The following ASPDH variants were observed in gnomAD, a reference collection of about 807,000 sequenced individuals.
ASPDH encodes aspartate dehydrogenase domain containing.
Under a neutral mutation model 30.5 loss-of-function variants are expected in ASPDH, and 25 were observed. The ratio of observed to expected loss-of-function variants is 0.82; its 90% CI spans 0.60 to 1.14. The LOEUF (loss-of-function observed/expected upper bound fraction) is 1.14. ASPDH is among the 50% of genes most tolerant of loss of function. The pLI is 0.00. For synonymous variants in ASPDH, 168 were observed against 156.3 expected, an observed-to-expected ratio of 1.07 and a Z score of -0.56; for missense variants, 401 against 381.5, an observed-to-expected ratio of 1.05 and a Z score of -0.43.
At position 50,512,731 on chromosome 19, in the gene ASPDH, A is replaced by ACGG; in HGVS notation, c.359_361dup (p.Ala120dup). On this transcript the variant is annotated inframe_insertion, in exon 4 of 7. Transcript: ENST00000389208. The stretch of plus-strand genomic sequence containing the variant: ...CCACAGGGCCCCTCGGGCCACAAAC[A>ACGG]CGGCGTGGTCCCAGTGCTGTGAGGC... 6.4e-7 allele frequency: 1 copy of ACGG among 1,553,752 alleles called. No individual in the cohort carries two copies. Among genetic ancestry groups the ACGG allele is most frequent in the Non-Finnish European group, 8.7e-7 (1 of 1,148,442 alleles).
In ASPDH at chr19:50,512,342, C is replaced by G; in HGVS notation, c.653+18G>C. 6.2e-7 allele frequency: 1 copy of G among 1,613,902 alleles called. No homozygotes were observed. Among genetic ancestry groups the G allele is most frequent in the South Asian group, 1.1e-5 (1 of 91,080 alleles). On this transcript the variant is annotated intron_variant, in intron 5 of 6. Coordinates refer to ENST00000389208, the MANE Select transcript of ASPDH (RefSeq NM_001114598.2). ...GAGAGCCTGGACTCAGCCCAACACC[C>G]TGCTTAGCTCTGCTCACCTGGTATC...
chr19:50,514,868 C>G, upstream of ASPDH: 2 of 984,930 alleles, frequency 2.0e-6, no homozygotes, highest in Non-Finnish European at 2.4e-6. Flanking sequence ...GAGACAGACG[C>G]GGGCAGACAG....
At chr19:50,511,909 TG>T in intron 6 of ASPDH, 136 bp from the exon 7 acceptor site, 1 of 685,724 alleles carries the variant, frequency 1.5e-6, no homozygotes, top group Non-Finnish European at 2.2e-6. Flanking sequence ...GACAGAGCCC[TG>T]GGGGTGGACA....
At chr19:50,511,857 G>T in intron 6 of ASPDH, 84 bp from the exon 7 acceptor site, 2 of 744,442 alleles carry the variant, frequency 2.7e-6, no homozygotes, top group Non-Finnish European at 4.0e-6. Context: ...GGGAGGAGGG[G>T]ACAGGGCAGG....
Position 50,513,873 on chromosome 19 carries a change from C to T in ASPDH, c.-50G>A, listed in dbSNP as rs543057368. 46 of 1,538,024 alleles carry T rather than the reference C, an allele frequency of 3.0e-5. No individual in the cohort carries two copies. In the East Asian group the frequency reaches 3.2e-4, roughly 11 times the overall value. On this transcript the variant is annotated 5_prime_UTR_variant, in exon 1 of 7. Transcript: ENST00000389208. This position sits in a 1 kb window ranked among gnomAD's most constrained non-coding sequence, Gnocchi z 4.9. ...CTGGCTCCCTGGGCTGCTCGCTGCC[C>T]GCTGCACAAGGCCTGGGCAGCCGCT...
chr19:50,512,919 G>A lies in ASPDH; in HGVS notation c.282+8C>T. Reference sequence around the variant, plus strand: ...GGGCTCTGCGTAAATGGTTGGGGTGGGGCTTACCAGGAGATTGGCATGGCG... The same window carrying A: ...GGGCTCTGCGTAAATGGTTGGGGTGAGGCTTACCAGGAGATTGGCATGGCG... On this transcript the variant is annotated splice_region_variant and intron_variant, in intron 3 of 6. Transcript: ENST00000389208. 8 of 1,612,080 alleles carry A rather than the reference G, an allele frequency of 5.0e-6. No homozygotes were observed. The highest frequency in any genetic ancestry group is 5.9e-6 in the Non-Finnish European group (7 of 1,178,930).
upstream of ASPDH, chr19:50,514,744 C>A: frequency 8.1e-7 from 1 of 1,230,842 alleles, no homozygotes; most frequent in South Asian, 1.6e-5. Flanking sequence ...GTTTCCATGG[C>A]AACCAGGATT....
upstream of ASPDH, chr19:50,514,898 C>T (rs899840731): frequency 1.8e-5 from 18 of 985,292 alleles, no homozygotes; most frequent in Admixed American, 1.2e-4. Context: ...AAGACCCCGA[C>T]GTGGCACCCA....
chr19:50,514,214 G>A (rs1204018136), upstream of ASPDH, among the ~76,000 whole-genome samples: 1 of 152,138 alleles, frequency 6.6e-6, no homozygotes, highest in Non-Finnish European at 1.5e-5. Context: ...AAGAGATGGT[G>A]ACAGGGACTC....
At chr19:50,514,467 C>T, upstream of ASPDH, 3 of 1,614,146 alleles carry the variant, frequency 1.9e-6, no homozygotes, top group Non-Finnish European at 2.5e-6. Context: ...TCTGATCATC[C>T]TTCAGTTCAC....
At chr19:50,511,925 CAGAG>C (rs535890280) in intron 6 of ASPDH, 152 bp from the exon 7 acceptor site, 22 of 430,154 alleles carry the variant, frequency 5.1e-5, no homozygotes, top group African/African-American at 2.7e-4. Flanking sequence ...TGGACAGAGA[CAGAG>C]AGAGTCTCGA....
In ASPDH at chr19:50,512,682, C is replaced by G. The variant is rs763325973; in HGVS notation, c.411G>C (p.Leu137Phe). ...TCACCCGGAGGCCCCCAGCTGCATC[C>G]AATCTCCTGATGTCCTCAGCGCCCC... ...ALWGAEDIRR[L>F]DAAGGLRSLR... The change falls in exon 4 of 7, where the codon TTG becomes TTC. Residue 137 changes from leucine (L) to phenylalanine (F), a missense_variant. Physicochemically the swap from Leu to Phe is conservative, Grantham distance 22. Transcript: ENST00000389208. 2 of 1,548,106 alleles carry G rather than the reference C, an allele frequency of 1.3e-6. No homozygotes were observed. The highest frequency in any genetic ancestry group is 1.7e-6 in the Non-Finnish European group (2 of 1,145,842).
rs761221668 is a variant in ASPDH at position 50,512,939 on chromosome 19, A to T, written c.270T>A (p.His90Gln). 2 of 1,613,396 alleles carry T rather than the reference A, an allele frequency of 1.2e-6. No individual in the cohort carries two copies. The highest frequency in any genetic ancestry group is 1.7e-6 in the Non-Finnish European group (2 of 1,179,694). Residue 90 changes from histidine (H) to glutamine (Q), a missense_variant, in exon 3 of 7, where the codon CAT (histidine) becomes CAA (glutamine). Transcript: ENST00000389208. ...IHESGAQILR[H>Q]ANLLVGSPSA... Reference sequence around the variant, plus strand: ...GGGTGGGGCTTACCAGGAGATTGGCATGGCGCAGGATTTGTGCCCCAGATT... The same window carrying T: ...GGGTGGGGCTTACCAGGAGATTGGCTTGGCGCAGGATTTGTGCCCCAGATT...
At chr19:50,512,903 G>A (rs766684035) in intron 3 of ASPDH, 24 bp downstream of exon 3, 8 of 1,608,894 alleles carry the variant, frequency 5.0e-6, no homozygotes, top group African/African-American at 1.3e-5. Context: ...AGGGCTCTGC[G>A]TAAATGGTTG....
Position 50,512,681 on chromosome 19 carries a change from C to G in ASPDH, c.412G>C (p.Asp138His), listed in dbSNP as rs1224563814. 5 of 1,548,046 alleles carry G rather than the reference C, an allele frequency of 3.2e-6. No homozygotes were observed. In the East Asian group the frequency reaches 9.7e-5, roughly 30 times the overall value. ...CTCACCCGGAGGCCCCCAGCTGCAT[C>G]CAATCTCCTGATGTCCTCAGCGCCC... ...LWGAEDIRRL[D>H]AAGGLRSLRV... is the part of the protein sequence containing the mutation. Residue 138 changes from aspartate (D) to histidine (H), a missense_variant, in exon 4 of 7, where the codon GAT becomes CAT. Transcript: ENST00000389208.
Position 50,513,311 on chromosome 19 carries a change from G to C in ASPDH, c.158C>G (p.Pro53Arg). The C allele has an allele frequency of 6.6e-7, 1 of 1,525,680 alleles. No individual in the cohort carries two copies. Among genetic ancestry groups the C allele is most frequent in the Non-Finnish European group, 8.8e-7 (1 of 1,135,482 alleles). 94.5% of individuals were successfully genotyped at this position (1,525,680 alleles called of 1,614,324 possible). A position where few individuals can be genotyped will look rare whatever the true frequency, so the allele number is the denominator to read the frequency against. Residue 53 changes from proline (P) to arginine (R), a missense_variant, in exon 2 of 7, where the codon CCT becomes CGT. By Grantham distance (103) the Pro-to-Arg change is moderately radical. Coordinates refer to ENST00000389208, the MANE Select transcript of ASPDH (RefSeq NM_001114598.2). This position sits in a 1 kb window ranked among gnomAD's most constrained non-coding sequence, Gnocchi z 4.9. ...DPGRMAGSVP[P>R]SLQLQNLAAL... ...AGCAAGGTTCTGGAGCTGCAGGGAA[G>C]GGGGCACGCTCCCTGCCATTCGTCC...
chr19:50,513,498 C>A lies in ASPDH; in HGVS notation c.53-82G>T, dbSNP rs1335874691. On this transcript the variant is annotated intron_variant, in intron 1 of 6. Coordinates refer to ENST00000389208, the MANE Select transcript of ASPDH (RefSeq NM_001114598.2). This position sits in a 1 kb window ranked among gnomAD's most constrained non-coding sequence, Gnocchi z 4.9. ...GAGAGAGAGGAGGTGGGGACAGAGACCCAGAGAGAGAGGAGGTGGGGACAG... is the reference window on the plus strand; with the variant it reads ...GAGAGAGAGGAGGTGGGGACAGAGAACCAGAGAGAGAGGAGGTGGGGACAG... 18 of 1,376,598 alleles carry A rather than the reference C, an allele frequency of 1.3e-5. No individual in the cohort carries two copies. Among genetic ancestry groups the A allele is most frequent in the Non-Finnish European group, 1.7e-5 (18 of 1,036,748 alleles). The allele number at this position is 1,376,598 out of a possible 1,614,324, so 85.3% of individuals were successfully genotyped here.
rs758964414 is a variant in ASPDH at position 50,512,436 on chromosome 19, T to G, written c.577A>C (p.Thr193Pro). 9.9e-6 allele frequency: 16 copies of G among 1,611,578 alleles called. No homozygotes were observed. Among genetic ancestry groups the G allele is most frequent in the Admixed American group, 8.4e-5 (5 of 59,744 alleles). ...GCAGCCAGGGCAGCCGCCGCCATGG[T>G]GTTGGAATTTCGCGGGGCAAAGGGG... The part of the protein sequence containing the change: ...LCPFAPRNSN[T>P]MAAAALAAPS... The change falls in exon 5 of 7, where the codon ACC becomes CCC. Residue 193 changes from threonine (T) to proline (P), a missense_variant. Coordinates refer to ENST00000389208, the MANE Select transcript of ASPDH (RefSeq NM_001114598.2).
Position 50,512,349 on chromosome 19 carries a change from G to T in ASPDH, c.653+11C>A. 6.2e-7 allele frequency: 1 copy of T among 1,613,916 alleles called. No homozygotes were observed. Among genetic ancestry groups the T allele is most frequent in the Non-Finnish European group, 8.5e-7 (1 of 1,179,954 alleles). On this transcript the variant is annotated intron_variant, in intron 5 of 6. Coordinates refer to ENST00000389208, the MANE Select transcript of ASPDH (RefSeq NM_001114598.2). Reference sequence around the variant, plus strand: ...TGGACTCAGCCCAACACCCTGCTTAGCTCTGCTCACCTGGTATCAGCCACG... The same window carrying T: ...TGGACTCAGCCCAACACCCTGCTTATCTCTGCTCACCTGGTATCAGCCACG...
Sources: allele counts gnomAD v4.1 joint callset (sites outside exome capture counted in the v4.1 genomes callset), GRCh38; gene constraint gnomAD v4.1.1; non-coding constraint Gnocchi (gnomAD v3.1); transcripts MANE v1.5; gene names NCBI Gene and HGNC (gene_info 2026-07-23, HGNC 2026-07-21).